PLSCR2: variants seen among roughly 807,000 people sequenced by gnomAD.
PLSCR2 encodes PL scramblase 2.
A neutral mutation model predicts 25.3 loss-of-function variants in PLSCR2; 18 were observed. The ratio of observed to expected loss-of-function variants is 0.71; its 90% CI spans 0.49 to 1.06. The LOEUF is 1.06. PLSCR2 is among the 50% of genes least tolerant of loss of function. PLSCR2 has a pLI of 0.00. For missense variants in PLSCR2, 243 were observed against 269.5 expected (o/e 0.90, Z 0.69); for synonymous variants, 88 against 87.3 (o/e 1.01, Z -0.04).
At chr3:146,447,819 A>G (rs1180160305) in intron 6 of PLSCR2, among the ~76,000 whole-genome samples, 2 of 152,196 alleles carry the variant, frequency 1.3e-5, no homozygotes, top group African/African-American at 4.8e-5. Flanking sequence ...TTAGAACCCC[A>G]GAGCACTTTA....
chr3:146,415,367 G>A (rs1176398752), intron 2 of PLSCR2, among the ~76,000 whole-genome samples: 1 of 151,872 alleles, frequency 6.6e-6, no homozygotes, highest in Non-Finnish European at 1.5e-5. Flanking sequence ...ATGGAAACAG[G>A]CAAATGAAAA....
chr3:146,463,132 G>C (rs1462858453), upstream of PLSCR2, among the ~76,000 whole-genome samples: 1 of 152,120 alleles, frequency 6.6e-6, no homozygotes, highest in Non-Finnish European at 1.5e-5. Context: ...CCACTCTCAG[G>C]AGCTGTCACA....
chr3:146,483,508 T>TATATAA lies in PLSCR2; in HGVS notation c.-293+12386_-293+12387insTTATAT, dbSNP rs1321511696. 8.1e-5 allele frequency among the ~76,000 whole-genome samples: 10 copies of TATATAA among 122,898 alleles called. 1 individual carries two copies. Among genetic ancestry groups the TATATAA allele is most frequent in the Non-Finnish European group, 1.5e-4 (9 of 60,316 alleles). The allele number at this position is 122,898 out of a possible 152,430, so 80.6% of individuals were successfully genotyped here. ...ATATATATATATATATATATATATA[T>TATATAA]AATGTTACTACTGGTATCAGGTTGG... On this transcript the variant is annotated intron_variant, in intron 1 of 8. Coordinates refer to the PLSCR2 transcript ENST00000336685.
chr3:146,428,874 T>G (rs886867151), downstream of PLSCR2, among the ~76,000 whole-genome samples: 2 of 152,198 alleles, frequency 1.3e-5, no homozygotes, highest in Non-Finnish European at 2.9e-5. Flanking sequence ...AAACAGAAAT[T>G]TAATGTAGCC....
At chr3:146,456,657 A>G (rs2041239775) in intron 3 of PLSCR2, among the ~76,000 whole-genome samples, 1 of 152,214 alleles carries the variant, frequency 6.6e-6, no homozygotes, top group South Asian at 2.1e-4. Flanking sequence ...CAACAATTAT[A>G]TTTTTAGCAT....
exon 4 of PLSCR2, chr3:146,455,397 A>G: frequency 6.2e-7 from 1 of 1,613,790 alleles, no homozygotes; most frequent in South Asian, 1.1e-5. Flanking sequence ...GCTGCAAAAT[A>G]AATCCTCTGC....
chr3:146,396,333 T>C (rs74917850), intron 2 of PLSCR2, among the ~76,000 whole-genome samples: 1,537 of 152,266 alleles, frequency 0.01, 20 homozygotes, highest in African/African-American at 0.025. Context: ...TTTCTCTCTG[T>C]TACTTACCTA....
chr3:146,399,023 A>G (rs1300569409), intron 2 of PLSCR2, among the ~76,000 whole-genome samples: 1 of 151,860 alleles, frequency 6.6e-6, no homozygotes, highest in Non-Finnish European at 1.5e-5. Context: ...CCCCTGAGCT[A>G]AGACCTGACT....
intron 1 of PLSCR2, among the ~76,000 whole-genome samples, chr3:146,474,589 G>A (rs2042224263): frequency 6.6e-6 from 1 of 152,070 alleles, no homozygotes; most frequent in African/African-American, 2.4e-5. Flanking sequence ...TTCAGCCTGG[G>A]AGAATCTGAT....
In PLSCR2 at chr3:146,398,686, T is replaced by C. The variant is rs561610930; in HGVS notation, c.101-2765A>G. 133 of 152,328 alleles carry C rather than the reference T, an allele frequency of 8.7e-4. 1 individual carries two copies. Among genetic ancestry groups the C allele is most frequent in the African/African-American group, 3.0e-3 (125 of 41,558 alleles). The allele number at this position is 152,328 out of a possible 1,614,324, so 9.4% of individuals were successfully genotyped here. A position where few individuals can be genotyped will look rare whatever the true frequency, so the allele number is the denominator to read the frequency against. ...TTAAAATTTAGATCCCCAAGACAGC[T>C]GAAGACCAACCATGGGCCTATAATT... On this transcript the variant is annotated intron_variant and NMD_transcript_variant, in intron 2 of 3. Transcript: ENST00000463633.
At chr3:146,461,151 G>A (rs1272372655), upstream of PLSCR2, among the ~76,000 whole-genome samples, 1 of 152,064 alleles carries the variant, frequency 6.6e-6, no homozygotes, top group Non-Finnish European at 1.5e-5. Flanking sequence ...TGTATAGTCC[G>A]CAGTGTAGTG....
chr3:146,420,281 C>T (rs911758573), intron 2 of PLSCR2, among the ~76,000 whole-genome samples: 2 of 151,918 alleles, frequency 1.3e-5, no homozygotes, highest in Non-Finnish European at 2.9e-5. Flanking sequence ...GAGACTATTA[C>T]TAGGAAACAA....
At chr3:146,449,143 G>T (rs1037605037) in intron 6 of PLSCR2, 63 bp downstream of exon 6, 1 of 1,127,294 alleles carries the variant, frequency 8.9e-7, no homozygotes, top group Non-Finnish European at 1.3e-6. Context: ...ATAATTTATT[G>T]AAGTATTTCA....
chr3:146,454,280 G>T lies in PLSCR2; in HGVS notation c.322-117C>A. ...AGACATTGTAAGTGAGGACTTCCTA[G>T]GACTTTTTTTTTAAAGATTGAATAA... On this transcript the variant is annotated intron_variant, in intron 4 of 6. Transcript: ENST00000610787. 4.7e-6 allele frequency: 3 copies of T among 636,596 alleles called. No individual in the cohort carries two copies. The Admixed American group carries it at 1.1e-4, about 24-fold the overall frequency. 39.4% of individuals were successfully genotyped at this position (636,596 alleles called of 1,614,324 possible).
downstream of PLSCR2, among the ~76,000 whole-genome samples, chr3:146,440,013 G>T (rs2040137243): frequency 6.6e-6 from 1 of 152,288 alleles, no homozygotes; most frequent in African/African-American, 2.4e-5. Context: ...TTTACCTGCA[G>T]GTCTGTTGGA....
At chr3:146,449,896 G>A (rs553704843) in intron 5 of PLSCR2, among the ~76,000 whole-genome samples, 45 of 152,300 alleles carry the variant, frequency 3.0e-4, no homozygotes, top group African/African-American at 1.0e-3. Flanking sequence ...CAGTTTGAGT[G>A]AAGAAAAGCA....
chr3:146,485,998 T>C (rs2108556530), intron 1 of PLSCR2, among the ~76,000 whole-genome samples: 1 of 152,132 alleles, frequency 6.6e-6, no homozygotes. Context: ...TCTTATGGTC[T>C]CTCCCACAAC....
chr3:146,417,205 A>C (rs1278298495), intron 2 of PLSCR2, among the ~76,000 whole-genome samples: 1 of 152,048 alleles, frequency 6.6e-6, no homozygotes, highest in Non-Finnish European at 1.5e-5. Flanking sequence ...CCATCTACAA[A>C]CCCTGTTTCC....
Position 146,441,825 on chromosome 3 carries a change from G to T in PLSCR2, c.646-4C>A. 6.4e-7 allele frequency: 1 copy of T among 1,572,494 alleles called. No individual in the cohort carries two copies. The highest frequency in any genetic ancestry group is 8.7e-7 in the Non-Finnish European group (1 of 1,149,256). On this transcript the variant is annotated splice_polypyrimidine_tract_variant and splice_region_variant and intron_variant, in intron 6 of 6. Coordinates refer to ENST00000610787, the Ensembl canonical transcript of PLSCR2. ...TTCTTTCAAAAAACATGTAGTCCTG[G>T]ATAAAAACAAAAATACAGAAATGAA... is the stretch of plus-strand genomic sequence containing the variant.
Sources: allele counts gnomAD v4.1 joint callset (sites outside exome capture counted in the v4.1 genomes callset), GRCh38; gene constraint gnomAD v4.1.1; transcripts MANE v1.5; gene names NCBI Gene and HGNC (gene_info 2026-07-23, HGNC 2026-07-21).